NF1: variants seen among roughly 807,000 people sequenced by gnomAD.
NF1 encodes the protein neurofibromin.
Under a neutral mutation model 325.7 loss-of-function variants are expected in NF1, and 122 were observed. The observed-to-expected ratio is 0.37, with a 90% CI of 0.32 to 0.44. NF1 has a LOEUF of 0.44. NF1 is among the 20% of genes least tolerant of loss of function. NF1 has a pLI of 1.00. For synonymous variants in NF1, 1,091 were observed against 1,186.0 expected, an observed-to-expected ratio of 0.92 and a Z score of 1.65; for missense variants, 2,140 against 3,415.4, an observed-to-expected ratio of 0.63 and a Z score of 9.31.
chr17:31,186,555 T>C (rs944118276), intron 8 of NF1, among the ~76,000 whole-genome samples: 2 of 152,134 alleles, frequency 1.3e-5, no homozygotes, highest in African/African-American at 4.8e-5. Flanking sequence ...GGAAGAAGCA[T>C]GATTGGAAAA....
chr17:31,182,683 A>G lies in NF1; in HGVS notation c.888+18A>G. ...TGAATAAGGTAAGGAGGGCAAAATT[A>G]TTTCCATTATATCTAGATGTGAAGC... On this transcript the variant is annotated intron_variant, in intron 8 of 57. Coordinates refer to ENST00000358273, the MANE Select transcript of NF1 (RefSeq NM_001042492.3). The G allele has an allele frequency of 6.2e-7, 1 of 1,607,792 alleles. No individual in the cohort carries two copies. The highest frequency in any genetic ancestry group is 8.5e-7 in the Non-Finnish European group (1 of 1,176,608).
At chr17:31,162,016 A>G (rs1049593830) in intron 3 of NF1, among the ~76,000 whole-genome samples, 3 of 142,500 alleles carry the variant, frequency 2.1e-5, no homozygotes, top group African/African-American at 5.2e-5. Flanking sequence ...AGCCTGGGCC[A>G]CAGAGCGAGA....
chr17:31,108,724 A>G (rs1209654489), intron 1 of NF1, among the ~76,000 whole-genome samples: 1 of 152,170 alleles, frequency 6.6e-6, no homozygotes, highest in Non-Finnish European at 1.5e-5. Flanking sequence ...ATTTATTCTT[A>G]TACTGACTTT....
intron 36 of NF1, among the ~76,000 whole-genome samples, chr17:31,307,359 A>G (rs1303996158): frequency 6.6e-6 from 1 of 152,222 alleles, no homozygotes; most frequent in African/African-American, 2.4e-5. Flanking sequence ...AAAAGTATGC[A>G]GGAGATGTAC....
intron 8 of NF1, among the ~76,000 whole-genome samples, chr17:31,198,135 G>A (rs1210544400): frequency 1.3e-5 from 2 of 152,058 alleles, no homozygotes; most frequent in Non-Finnish European, 2.9e-5. Context: ...TTGTGCTCCT[G>A]GAGTAAGTTT....
intron 51 of NF1, among the ~76,000 whole-genome samples, chr17:31,355,198 T>C (rs1337591195): frequency 6.6e-6 from 1 of 151,946 alleles, no homozygotes; most frequent in Non-Finnish European, 1.5e-5. Context: ...GAGAATAAAA[T>C]AAAAAGGACA....
chr17:31,224,170 G>A (rs1018445148), intron 16 of NF1, among the ~76,000 whole-genome samples: 5 of 152,210 alleles, frequency 3.3e-5, no homozygotes, highest in African/African-American at 9.6e-5. Context: ...GAAAATATCA[G>A]GAGACTTTTT....
intron 48 of NF1, 23 bp downstream of exon 48, chr17:31,343,158 A>G: frequency 1.3e-6 from 2 of 1,590,980 alleles, no homozygotes; most frequent in Non-Finnish European, 1.7e-6. Context: ...TATTTAGAAT[A>G]TTTTTATGAA....
chr17:31,369,649 G>C lies in NF1; in HGVS notation c.8378-4364G>C, dbSNP rs530124442. Among the ~76,000 whole-genome samples, 21 of 152,180 alleles carry C rather than the reference G, an allele frequency of 1.4e-4. 1 individual carries two copies. The highest frequency in any genetic ancestry group is 2.9e-4 in the Non-Finnish European group (20 of 68,016). On this transcript the variant is annotated intron_variant, in intron 57 of 57. Transcript: ENST00000358273. ...TGCTTTAGGGGCAAAAGAGATACCA[G>C]AATACAAAACTTTAAAGGGGTTTTG... is the stretch of plus-strand genomic sequence containing the variant.
At chr17:31,182,066 T>C (rs1266113781) in intron 7 of NF1, among the ~76,000 whole-genome samples, 5 of 152,192 alleles carry the variant, frequency 3.3e-5, no homozygotes, top group Non-Finnish European at 7.4e-5. Context: ...TAGAGAAGCA[T>C]GTGCTCTGAA....
At chr17:31,178,630 A>C (rs1229378894) in intron 5 of NF1, among the ~76,000 whole-genome samples, 1 of 152,198 alleles carries the variant, frequency 6.6e-6, no homozygotes, top group Non-Finnish European at 1.5e-5. Context: ...CTCACATGCA[A>C]AGTTACACAT....
At chr17:31,304,652 T>C (rs1231665001) in intron 36 of NF1, 3 of 1,614,086 alleles carry the variant, frequency 1.9e-6, no homozygotes, top group Non-Finnish European at 2.5e-6. Context: ...CCATCAGCAC[T>C]ATCTTCTGAT....
At chr17:31,304,497 A>T (rs764975298) in intron 36 of NF1, 1 of 1,614,176 alleles carries the variant, frequency 6.2e-7, no homozygotes, top group South Asian at 1.1e-5. Flanking sequence ...GAGGGAGACT[A>T]GTAGAATCAT....
At chr17:31,284,261 CTG>C (rs757536524) in intron 36 of NF1, among the ~76,000 whole-genome samples, 178 of 152,038 alleles carry the variant, frequency 1.2e-3, no homozygotes, top group Admixed American at 1.9e-3. Context: ...ACCATCATAC[CTG>C]GCTAATTTTT....
intron 36 of NF1, among the ~76,000 whole-genome samples, chr17:31,290,788 C>G (rs570765693): frequency 4.1e-4 from 62 of 152,082 alleles, no homozygotes; most frequent in Non-Finnish European, 8.2e-4. Context: ...AGCAGATCAC[C>G]TGAGGTCAGG....
chr17:31,274,956 G>T (rs558609894), intron 36 of NF1, among the ~76,000 whole-genome samples: 1 of 152,018 alleles, frequency 6.6e-6, no homozygotes, highest in African/African-American at 2.4e-5. Context: ...TTGGTTAATT[G>T]TATCATCACC....
At chr17:31,172,371 CTTTCT>C (rs2143722054) in intron 5 of NF1, among the ~76,000 whole-genome samples, 1 of 146,058 alleles carries the variant, frequency 6.8e-6, no homozygotes, top group East Asian at 2.0e-4. Context: ...CTCTCTCTCT[CTTTCT>C]CTCTTTCTCT....
chr17:31,139,718 C>T (rs1490542742), intron 1 of NF1, among the ~76,000 whole-genome samples: 8 of 152,092 alleles, frequency 5.3e-5, no homozygotes, highest in African/African-American at 1.4e-4. Context: ...GTCTGATTTT[C>T]GGACTTGGAA....
At chr17:31,224,711 G>C (rs1457912261) in intron 16 of NF1, among the ~76,000 whole-genome samples, 1 of 152,026 alleles carries the variant, frequency 6.6e-6, no homozygotes, top group Non-Finnish European at 1.5e-5. Flanking sequence ...TTAATCTCAA[G>C]AGCCAATTTC....
Sources: allele counts gnomAD v4.1 joint callset (sites outside exome capture counted in the v4.1 genomes callset), GRCh38; gene constraint gnomAD v4.1.1; transcripts MANE v1.5; gene names NCBI Gene and HGNC (gene_info 2026-07-23, HGNC 2026-07-21).